The following APCDD1 variants were observed in gnomAD, a reference collection of about 807,000 sequenced individuals.
APCDD1 encodes APC down-regulated 1, also known as protein APCDD1.
Under a neutral mutation model 38.1 loss-of-function variants are expected in APCDD1, and 15 were observed. The ratio of observed to expected loss-of-function variants is 0.39; its 90% CI spans 0.26 to 0.61. The LOEUF (loss-of-function observed/expected upper bound fraction) is 0.61. Ranked by LOEUF, APCDD1 falls within the 20% of genes least tolerant of loss-of-function variation. The pLI is 0.49. For synonymous variants in APCDD1, 261 were observed against 279.7 expected, an observed-to-expected ratio of 0.93 and a Z score of 0.67; for missense variants, 647 against 696.2, an observed-to-expected ratio of 0.93 and a Z score of 0.79.
intron 1 of APCDD1, among the ~76,000 whole-genome samples, chr18:10,463,842 A>G (rs1308916391): frequency 6.6e-6 from 1 of 152,158 alleles, no homozygotes; most frequent in Non-Finnish European, 1.5e-5. Context: ...CCATTTTTCC[A>G]TCTTAGAAAT....
Position 10,468,509 on chromosome 18 carries a change from G to T in APCDD1, c.99G>T (p.Arg33Ser). 6.2e-7 allele frequency: 1 copy of T among 1,614,140 alleles called. No homozygotes were observed. Among genetic ancestry groups the T allele is most frequent in the Non-Finnish European group, 8.5e-7 (1 of 1,180,036 alleles). The change falls in exon 2 of 5, where the codon AGG becomes AGT. Residue 33 changes from arginine (R) to serine (S), a missense_variant. Transcript: ENST00000355285. ...CTGCCCTCCTTCATCCAGACAGCAG[G>T]TCTCATCCTAGGTCCTTAGAGAAAA... ...EGSALLHPDS[R>S]SHPRSLEKSA...
At chr18:10,465,809 G>A (rs531052647) in intron 1 of APCDD1, among the ~76,000 whole-genome samples, 6 of 152,172 alleles carry the variant, frequency 3.9e-5, no homozygotes, top group Non-Finnish European at 8.8e-5. Flanking sequence ...GTAAATGTGC[G>A]TGTTTTGTCA....
intron 1 of APCDD1, among the ~76,000 whole-genome samples, chr18:10,456,330 C>T (rs985149256): frequency 2.6e-5 from 4 of 152,142 alleles, no homozygotes; most frequent in African/African-American, 9.7e-5. Flanking sequence ...CTAGGCCCAT[C>T]TGCTTAGAAT....
rs1367193548 is a variant in APCDD1, at chr18:10,489,106, C to T, written c.*1068C>T. The T allele has an allele frequency of 1.3e-5, 2 of 152,208 alleles. No individual in the cohort carries two copies. The highest frequency in any genetic ancestry group is 2.1e-4 in the South Asian group (1 of 4,812). The allele number at this position is 152,208 out of a possible 1,614,324, so 9.4% of individuals were successfully genotyped here. A position where few individuals can be genotyped will look rare whatever the true frequency, so the allele number is the denominator to read the frequency against. ...ATTACACCCTGACTTGGCATGCAAC[C>T]GAGTCTTTGTGTAAAGCCATCCTGT... is the stretch of plus-strand genomic sequence containing the variant. On this transcript the variant is annotated 3_prime_UTR_variant, in exon 5 of 5. Coordinates refer to ENST00000355285, the MANE Select transcript of APCDD1 (RefSeq NM_153000.5).
chr18:10,476,106 C>G lies in APCDD1; in HGVS notation c.774+4045C>G, dbSNP rs572323569. 6.6e-6 allele frequency: 1 copy of G among 152,358 alleles called. No individual in the cohort carries two copies. The highest frequency in any genetic ancestry group is 2.1e-4 in the South Asian group (1 of 4,828). The allele number at this position is 152,358 out of a possible 1,614,324, so 9.4% of individuals were successfully genotyped here. On this transcript the variant is annotated intron_variant, in intron 3 of 4. Transcript: ENST00000355285. This position sits in a 1 kb window ranked among gnomAD's most constrained non-coding sequence, Gnocchi z 5.8. Reference sequence around the variant, plus strand: ...TGGGAGAACGTCTTCAAAGACCGTACACGCCTGCCCAGGAGAGGCTGGAAC... The same window carrying G: ...TGGGAGAACGTCTTCAAAGACCGTAGACGCCTGCCCAGGAGAGGCTGGAAC...
At chr18:10,486,633 G>A (rs189064797) in intron 4 of APCDD1, among the ~76,000 whole-genome samples, 68 of 152,286 alleles carry the variant, frequency 4.5e-4, no homozygotes, top group South Asian at 2.3e-3. Context: ...AGGAGGGGAG[G>A]AAGGAGCTGC....
intron 1 of APCDD1, among the ~76,000 whole-genome samples, chr18:10,458,937 A>C (rs2030454813): frequency 1.3e-5 from 2 of 152,218 alleles, no homozygotes; most frequent in South Asian, 2.1e-4. Flanking sequence ...TACATAGGCC[A>C]TTGCTTAGTC....
chr18:10,484,117 G>A (rs936491272), intron 3 of APCDD1, among the ~76,000 whole-genome samples: 1 of 151,996 alleles, frequency 6.6e-6, no homozygotes, highest in Admixed American at 6.5e-5. Context: ...GACCAGGCAA[G>A]AGAGGGTCTT....
intron 3 of APCDD1, chr18:10,474,133 A>G (rs9952598): frequency 0.48 from 72,881 of 151,930 alleles, 18,666 homozygotes; most frequent in African/African-American, 0.66. Context: ...CATGTTGGCC[A>G]GGATGGTCTC....
chr18:10,456,350 G>T (rs2030381052), intron 1 of APCDD1, among the ~76,000 whole-genome samples: 1 of 152,160 alleles, frequency 6.6e-6, no homozygotes, highest in Non-Finnish European at 1.5e-5. Context: ...TTACAGAGCA[G>T]TTTTAATCTT....
Position 10,455,040 on chromosome 18 carries a change from G to T in APCDD1, c.58+1G>T. The T allele has an allele frequency of 6.4e-7, 1 of 1,563,296 alleles. No homozygotes were observed. Among genetic ancestry groups the T allele is most frequent in the Non-Finnish European group, 8.7e-7 (1 of 1,154,128 alleles). On this transcript the variant is annotated splice_donor_variant, in intron 1 of 4. Coordinates refer to ENST00000355285, the MANE Select transcript of APCDD1 (RefSeq NM_153000.5). LOFTEE classifies it high-confidence loss of function. ...CTGTTCCCGGCCCTCCTGCTTCACG[G>T]TGAGTTCCCGAGGGCCACTCGAGCG...
rs2030899986 is a variant in APCDD1, at chr18:10,472,987, G to A, written c.774+926G>A. On this transcript the variant is annotated intron_variant, in intron 3 of 4. Transcript: ENST00000355285. This position sits in a 1 kb window ranked among gnomAD's most constrained non-coding sequence, Gnocchi z 6.6. ...GACCCGGGCCTGCTGCGGGTGGGCGGTGGGCAGGTCTCTGTGGAGTATCTC... is the reference window on the plus strand; with the variant it reads ...GACCCGGGCCTGCTGCGGGTGGGCGATGGGCAGGTCTCTGTGGAGTATCTC... Among the ~76,000 whole-genome samples, 1 of 152,180 alleles carries A rather than the reference G, an allele frequency of 6.6e-6. No homozygotes were observed. The highest frequency in any genetic ancestry group is 2.4e-5 in the African/African-American group (1 of 41,452).
chr18:10,460,425 C>G (rs763715902), intron 1 of APCDD1, among the ~76,000 whole-genome samples: 1 of 151,384 alleles, frequency 6.6e-6, no homozygotes, highest in South Asian at 2.1e-4. Context: ...TCCAGCTTCT[C>G]GGGAGGGTGA....
At chr18:10,486,507 G>A (rs1286170995) in intron 4 of APCDD1, among the ~76,000 whole-genome samples, 1 of 152,188 alleles carries the variant, frequency 6.6e-6, no homozygotes, top group Non-Finnish European at 1.5e-5. Flanking sequence ...TGACACCTCA[G>A]GTGCTCAGAG....
At position 10,487,651 on chromosome 18, in the gene APCDD1, C is replaced by T. The variant is rs778685004; in HGVS notation, c.1158C>T (p.Asn386=). ...AATASLLNVF[N]GNECGAEGSW... The stretch of plus-strand genomic sequence containing the variant: ...CAGCCTCACTGCTCAACGTCTTCAA[C>T]GGGAATGAGTGCGGGGCCGAGGGCT... The change falls in exon 5 of 5, where the codon AAC becomes AAT. Residue 386 remains asparagine (N), a synonymous_variant. Coordinates refer to ENST00000355285, the MANE Select transcript of APCDD1 (RefSeq NM_153000.5). 8.8e-5 allele frequency: 142 copies of T among 1,614,046 alleles called. No individual in the cohort carries two copies. The highest frequency in any genetic ancestry group is 1.6e-4 in the Middle Eastern group (1 of 6,084).
chr18:10,455,186 C>T (rs1160253646), intron 1 of APCDD1, 147 bp downstream of exon 1: 63 of 1,358,732 alleles, frequency 4.6e-5, no homozygotes, highest in Middle Eastern at 2.7e-4. Flanking sequence ...CCGCGCCTGC[C>T]GTCTCAGCCC....
intron 1 of APCDD1, among the ~76,000 whole-genome samples, chr18:10,466,042 G>A (rs904686281): frequency 5.3e-5 from 8 of 152,198 alleles, no homozygotes; most frequent in Non-Finnish European, 7.3e-5. Context: ...ATACTGAGAT[G>A]ATGGCTTCTT....
intron 3 of APCDD1, among the ~76,000 whole-genome samples, chr18:10,479,087 C>T (rs188271490): frequency 6.6e-6 from 1 of 152,266 alleles, no homozygotes; most frequent in African/African-American, 2.4e-5. Context: ...TCAAAGGACT[C>T]GTAATACAGA....
chr18:10,471,898 T>C lies in APCDD1; in HGVS notation c.611T>C (p.Phe204Ser), dbSNP rs1413068557. 1 of 1,614,134 alleles carries C rather than the reference T, an allele frequency of 6.2e-7. No individual in the cohort carries two copies. The highest frequency in any genetic ancestry group is 2.2e-5 in the East Asian group (1 of 44,874). ...NGCECTKAVNFAMHELQLIRV... is the reference protein window; with the variant it reads ...NGCECTKAVNSAMHELQLIRV... ...TGTGAGTGCACCAAGGCCGTGAACT[T>C]TGCCATGCATGAACTTCAGCTCATC... The change falls in exon 3 of 5, where the codon TTT (phenylalanine) becomes TCT (serine). Residue 204 changes from phenylalanine (F) to serine (S), a missense_variant. Transcript: ENST00000355285. This position sits in a 1 kb window ranked among gnomAD's most constrained non-coding sequence, Gnocchi z 5.5.
Sources: gnomAD v4.1 joint callset for allele counts (sites outside exome capture counted in the v4.1 genomes callset) on GRCh38, gnomAD v4.1.1 for gene constraint, Gnocchi (gnomAD v3.1) non-coding constraint, MANE v1.5 for transcripts, NCBI Gene and HGNC (gene_info 2026-07-23, HGNC 2026-07-21) for gene names.